CTNND2: variants seen among roughly 807,000 people sequenced by gnomAD.
The protein encoded by CTNND2 is catenin delta 2.
CTNND2 carries 22 observed loss-of-function variants against 144.4 expected under a neutral mutation model. The ratio of observed to expected loss-of-function variants is 0.15; its 90% CI spans 0.11 to 0.22. CTNND2 has a LOEUF of 0.22. CTNND2 is among the 10% of genes least tolerant of loss of function. The pLI is 1.00. For missense variants in CTNND2, 1,353 were observed against 1,618.8 expected (o/e 0.84, Z 2.82); for synonymous variants, 751 against 695.6 (o/e 1.08, Z -1.25).
chr5:11,138,191 C>T (rs902689613), intron 12 of CTNND2, among the ~76,000 whole-genome samples: 10 of 152,194 alleles, frequency 6.6e-5, no homozygotes, highest in African/African-American at 1.4e-4. Flanking sequence ...CAAAGCCAGC[C>T]GTGATCTCTC....
At chr5:11,868,800 C>A (rs180701925) in intron 1 of CTNND2, among the ~76,000 whole-genome samples, 1 of 152,274 alleles carries the variant, frequency 6.6e-6, no homozygotes, top group African/African-American at 2.4e-5. Context: ...CCCTCCACAG[C>A]CTTGGGACCA....
intron 3 of CTNND2, among the ~76,000 whole-genome samples, chr5:11,533,139 C>T (rs1773904161): frequency 6.6e-6 from 1 of 152,208 alleles, no homozygotes; most frequent in African/African-American, 2.4e-5. Flanking sequence ...TCAAGAGGAG[C>T]TCACATTCAT....
intron 3 of CTNND2, among the ~76,000 whole-genome samples, chr5:11,454,600 C>T (rs1236760289): frequency 6.9e-6 from 1 of 145,256 alleles, no homozygotes; most frequent in Non-Finnish European, 1.5e-5. Context: ...GTTTTTTTTC[C>T]TTTTTTTTTT....
chr5:11,251,449 G>A (rs1198602895), intron 9 of CTNND2, among the ~76,000 whole-genome samples: 14 of 152,200 alleles, frequency 9.2e-5, no homozygotes, highest in Non-Finnish European at 2.1e-4. Context: ...ATCCTGGTAT[G>A]CAAAGTGATG....
chr5:11,598,598 T>A (rs906686830), intron 2 of CTNND2, among the ~76,000 whole-genome samples: 2 of 152,142 alleles, frequency 1.3e-5, no homozygotes, highest in Admixed American at 1.3e-4. Context: ...AAGCCTCCTA[T>A]GAGAGGGTTT....
rs571663314 is a variant in CTNND2 at position 11,786,713 on chromosome 5, T to C, written c.38-54441A>G. On this transcript the variant is annotated intron_variant, in intron 1 of 21. Coordinates refer to ENST00000304623, the MANE Select transcript of CTNND2 (RefSeq NM_001332.4). ...ACTTTTCCTGAAGATCCCTCTCCTT[T>C]AGTTTTTTGTTTGTTTGTTTTAAAT... 2.9e-3 allele frequency among the ~76,000 whole-genome samples: 425 copies of C among 148,420 alleles called. 7 individuals carry two copies. The highest frequency in any genetic ancestry group is 0.01 in the African/African-American group (395 of 37,962).
At chr5:10,982,915 A>G (rs1227575499) in intron 20 of CTNND2, among the ~76,000 whole-genome samples, 1 of 152,228 alleles carries the variant, frequency 6.6e-6, no homozygotes, top group Non-Finnish European at 1.5e-5. Context: ...CAAATATGGT[A>G]TGTTCTCACG....
At chr5:11,017,865 TTG>T in intron 18 of CTNND2, 107 bp downstream of exon 18, 1 of 807,652 alleles carries the variant, frequency 1.2e-6, no homozygotes, top group Non-Finnish European at 2.1e-6. Flanking sequence ...CTCGTTTCAG[TTG>T]TGTTTCAATG....
rs368074676 is a variant in CTNND2, at chr5:11,255,801, C to T, written c.1629-18978G>A. Among the ~76,000 whole-genome samples the T allele has an allele frequency of 3.3e-5, 5 of 152,288 alleles. No homozygotes were observed. In the East Asian group the frequency reaches 9.7e-4, roughly 29 times the overall value. The stretch of plus-strand genomic sequence containing the variant: ...TGGAAACTCACTTTCCATAATACTC[C>T]CATTGCTGGAGCCATGGCCCAGGGC... On this transcript the variant is annotated intron_variant, in intron 9 of 21. Transcript: ENST00000304623.
chr5:11,854,989 G>T (rs1269958971), intron 1 of CTNND2, among the ~76,000 whole-genome samples: 1 of 152,172 alleles, frequency 6.6e-6, no homozygotes, highest in Non-Finnish European at 1.5e-5. Context: ...TTTTCATAAA[G>T]CAAGTGATAA....
chr5:11,534,816 G>A (rs551973266), intron 3 of CTNND2, among the ~76,000 whole-genome samples: 8 of 152,190 alleles, frequency 5.3e-5, no homozygotes, highest in East Asian at 3.9e-4. Context: ...GTTTTTCCTC[G>A]AAGACTTTGC....
chr5:11,469,646 G>A (rs2149951331), intron 3 of CTNND2, among the ~76,000 whole-genome samples: 1 of 152,292 alleles, frequency 6.6e-6, no homozygotes, highest in East Asian at 1.9e-4. Flanking sequence ...GTTAAGGCCA[G>A]CTTCTCAGAA....
chr5:11,033,615 G>A (rs966126842), intron 16 of CTNND2, among the ~76,000 whole-genome samples: 1 of 152,154 alleles, frequency 6.6e-6, no homozygotes, highest in Non-Finnish European at 1.5e-5. Context: ...CGAATCATGA[G>A]GTCAGGAGTT....
At chr5:11,424,703 CTG>C (rs1264194638) in intron 3 of CTNND2, among the ~76,000 whole-genome samples, 1 of 152,152 alleles carries the variant, frequency 6.6e-6, no homozygotes, top group East Asian at 1.9e-4. Context: ...TTTTATACCA[CTG>C]TGTCTGCTTT....
intron 8 of CTNND2, among the ~76,000 whole-genome samples, chr5:11,347,446 C>T (rs1754915138): frequency 1.3e-5 from 2 of 152,178 alleles, no homozygotes; most frequent in South Asian, 4.1e-4. Context: ...AACTGAATTT[C>T]AATTTTTTGT....
chr5:11,579,977 G>A (rs558392994), intron 2 of CTNND2, among the ~76,000 whole-genome samples: 3 of 152,270 alleles, frequency 2.0e-5, no homozygotes, highest in African/African-American at 7.2e-5. Flanking sequence ...AGTGGGAAAA[G>A]CAATAGTCTC....
At chr5:11,213,033 C>T (rs373193739) in intron 10 of CTNND2, among the ~76,000 whole-genome samples, 30 of 152,186 alleles carry the variant, frequency 2.0e-4, no homozygotes, top group African/African-American at 7.0e-4. Context: ...AAAAGTGTAT[C>T]TTAGCTATTC....
Position 11,175,474 on chromosome 5 carries a change from C to T in CTNND2, c.1976-15715G>A, listed in dbSNP as rs1042623408. Among the ~76,000 whole-genome samples, 9 of 152,226 alleles carry T rather than the reference C, an allele frequency of 5.9e-5. No homozygotes were observed. In the Middle Eastern group the frequency reaches 0.01, roughly 173 times the overall value. On this transcript the variant is annotated intron_variant, in intron 11 of 21. Transcript: ENST00000304623. Reference sequence around the variant, plus strand: ...ATAGAATCCCAGCACGCACGCTGTTCGTTAACTTGACTTTTGCATTCAACA... The same window carrying T: ...ATAGAATCCCAGCACGCACGCTGTTTGTTAACTTGACTTTTGCATTCAACA...
At chr5:11,071,983 A>T (rs1208496832) in intron 16 of CTNND2, among the ~76,000 whole-genome samples, 1 of 152,206 alleles carries the variant, frequency 6.6e-6, no homozygotes, top group Non-Finnish European at 1.5e-5. Context: ...GGAAGAAAGG[A>T]GATGGTGACT....
Sources: allele counts gnomAD v4.1 joint callset (sites outside exome capture counted in the v4.1 genomes callset), GRCh38; gene constraint gnomAD v4.1.1; transcripts MANE v1.5; gene names NCBI Gene and HGNC (gene_info 2026-07-23, HGNC 2026-07-21).